The following FBRSL1 variants were observed in gnomAD, a reference collection of about 807,000 sequenced individuals.
FBRSL1 encodes the protein fibrosin like 1, also known as fibrosin-1-like protein.
Under a neutral mutation model 89.6 loss-of-function variants are expected in FBRSL1, and 51 were observed. The observed-to-expected ratio is 0.57, with a 90% CI of 0.45 to 0.72. The LOEUF is 0.72. Ranked by LOEUF, FBRSL1 falls within the 30% of genes least tolerant of loss-of-function variation. The pLI is 0.00. For missense variants in FBRSL1, 1,618 were observed against 1,451.8 expected, an observed-to-expected ratio of 1.11 and a Z score of -1.86; for synonymous variants, 779 against 681.1, an observed-to-expected ratio of 1.14 and a Z score of -2.24.
chr12:132,528,746 C>T (rs747949425), intron 4 of FBRSL1, among the ~76,000 whole-genome samples: 2 of 151,512 alleles, frequency 1.3e-5, no homozygotes, highest in Non-Finnish European at 2.9e-5. Context: ...CCTGTGGGTG[C>T]ACGGGTGTGT....
At position 132,519,130 on chromosome 12, in the gene FBRSL1, G is replaced by T. The variant is rs921806279; in HGVS notation, c.490-6604G>T. 4.2e-4 allele frequency among the ~76,000 whole-genome samples: 64 copies of T among 152,402 alleles called. 1 individual carries two copies. The highest frequency in any genetic ancestry group is 1.5e-3 in the African/African-American group (62 of 41,596). On this transcript the variant is annotated intron_variant, in intron 2 of 18. Coordinates refer to ENST00000680143, the MANE Select transcript of FBRSL1 (RefSeq NM_001367871.1). ...GAACACTTGGTCTCTCCCAAACATTGCCTGAGTCCCTGTTTACTGTGTCTG... is the reference window on the plus strand; with the variant it reads ...GAACACTTGGTCTCTCCCAAACATTTCCTGAGTCCCTGTTTACTGTGTCTG...
intron 1 of FBRSL1, among the ~76,000 whole-genome samples, chr12:132,496,641 G>A (rs373136915): frequency 5.7e-4 from 87 of 152,332 alleles, no homozygotes; most frequent in East Asian, 2.3e-3. Context: ...CTGCGGCTGC[G>A]CTGGATTTGT....
rs968939129 is a variant in FBRSL1 at position 132,585,140 on chromosome 12, G to A, written c.*1362G>A. 1.3e-5 allele frequency: 2 copies of A among 152,206 alleles called. No homozygotes were observed. The highest frequency in any genetic ancestry group is 4.8e-5 in the African/African-American group (2 of 41,436). 9.4% of individuals were successfully genotyped at this position (152,206 alleles called of 1,614,324 possible). On this transcript the variant is annotated 3_prime_UTR_variant, in exon 19 of 19. Coordinates refer to ENST00000680143, the MANE Select transcript of FBRSL1 (RefSeq NM_001367871.1). ...GGACCCTGTTTGTTTTAAATATTCTGTTCCCATGTCAATCAGTGACGATAA... is the reference window on the plus strand; with the variant it reads ...GGACCCTGTTTGTTTTAAATATTCTATTCCCATGTCAATCAGTGACGATAA...
chr12:132,571,591 C>A, intron 9 of FBRSL1: 1 of 1,118,726 alleles, frequency 8.9e-7, no homozygotes, highest in Non-Finnish European at 1.2e-6. Context: ...AGCAGGCACA[C>A]ACAGACACAC....
In FBRSL1 at chr12:132,555,405, CCCCACCCG is replaced by C. The variant is rs1224568215; in HGVS notation, c.645+7374_645+7381del. Reference sequence around the variant, plus strand: ...GTGAGCGTGGCCTCCACGGTAGCCGCCCCACCCGAGCGTGAGCATGGCCTCCACGGTAG... The same window carrying C: ...GTGAGCGTGGCCTCCACGGTAGCCGCAGCGTGAGCATGGCCTCCACGGTAG... On this transcript the variant is annotated intron_variant, in intron 5 of 18. Coordinates refer to ENST00000680143, the MANE Select transcript of FBRSL1 (RefSeq NM_001367871.1). Among the ~76,000 whole-genome samples the C allele has an allele frequency of 7.9e-4, 115 of 145,814 alleles. 1 individual carries two copies. The highest frequency in any genetic ancestry group is 1.3e-3 in the African/African-American group (49 of 38,690).
chr12:132,573,138 C>T (rs1282848292), intron 11 of FBRSL1, among the ~76,000 whole-genome samples: 1 of 152,218 alleles, frequency 6.6e-6, no homozygotes, highest in Non-Finnish European at 1.5e-5. Context: ...CTCACTGTTC[C>T]TGGCCTTGTG....
intron 17 of FBRSL1, 80 bp downstream of exon 17, chr12:132,581,904 T>C: frequency 1.5e-6 from 2 of 1,346,958 alleles, no homozygotes; most frequent in Non-Finnish European, 2.0e-6. Flanking sequence ...GGAACCCCGA[T>C]GCCTGGCTGA....
At chr12:132,572,097 C>G (rs1456785551) in intron 9 of FBRSL1, 191 bp from the exon 10 acceptor site, 1 of 598,340 alleles carries the variant, frequency 1.7e-6, no homozygotes, top group African/African-American at 1.9e-5. Context: ...CAGGGCCGCC[C>G]TGGTCTGAGA....
intron 1 of FBRSL1, among the ~76,000 whole-genome samples, chr12:132,491,443 G>A (rs770058360): frequency 6.6e-6 from 1 of 152,248 alleles, no homozygotes; most frequent in African/African-American, 2.4e-5. Flanking sequence ...CATGAACTCA[G>A]CTGAGCAGAG....
chr12:132,534,931 C>G (rs556515551), intron 4 of FBRSL1, among the ~76,000 whole-genome samples: 1 of 152,386 alleles, frequency 6.6e-6, no homozygotes, highest in Admixed American at 6.5e-5. Flanking sequence ...CCCTGCAGCG[C>G]TCCCAGGTAT....
At chr12:132,574,399 G>T (rs1045764064) in intron 13 of FBRSL1, 51 bp downstream of exon 13, 3 of 1,549,144 alleles carry the variant, frequency 1.9e-6, no homozygotes, top group Non-Finnish European at 2.6e-6. Context: ...TGGTGCCCCC[G>T]GGGCGGCCTC....
intron 2 of FBRSL1, 61 bp downstream of exon 2, chr12:132,508,411 C>T (rs2136577209): frequency 7.0e-7 from 1 of 1,429,834 alleles, no homozygotes; most frequent in Admixed American, 2.8e-5. Context: ...CGCCCCAGGG[C>T]CATGCCAGCA....
intron 2 of FBRSL1, chr12:132,510,138 A>G: frequency 3.3e-6 from 4 of 1,222,368 alleles, no homozygotes; most frequent in Non-Finnish European, 4.1e-6. Flanking sequence ...GCGGCCGCTC[A>G]TGGGCCCAGA....
At chr12:132,535,477 C>G (rs1481817993) in intron 4 of FBRSL1, among the ~76,000 whole-genome samples, 1 of 152,248 alleles carries the variant, frequency 6.6e-6, no homozygotes, top group Non-Finnish European at 1.5e-5. Flanking sequence ...GCCTGGCTCC[C>G]TGACAGTGCT....
At chr12:132,515,224 C>T (rs1439915773) in intron 2 of FBRSL1, among the ~76,000 whole-genome samples, 1 of 152,172 alleles carries the variant, frequency 6.6e-6, no homozygotes, top group East Asian at 1.9e-4. Flanking sequence ...CACAGACAAA[C>T]CAGACACACC....
chr12:132,529,979 C>T (rs1021544854), intron 4 of FBRSL1, among the ~76,000 whole-genome samples: 8 of 152,206 alleles, frequency 5.3e-5, no homozygotes, highest in African/African-American at 1.7e-4. Flanking sequence ...GGGGCAACCC[C>T]TCAGAGGTGG....
At chr12:132,530,736 G>A (rs1363593453) in intron 4 of FBRSL1, among the ~76,000 whole-genome samples, 3 of 135,052 alleles carry the variant, frequency 2.2e-5, no homozygotes, top group African/African-American at 8.0e-5. Flanking sequence ...TGGGGGGTGG[G>A]GGGAGGGGGA....
intron 18 of FBRSL1, among the ~76,000 whole-genome samples, chr12:132,582,748 G>A (rs1290980267): frequency 3.3e-5 from 5 of 152,098 alleles, no homozygotes; most frequent in African/African-American, 1.2e-4. Flanking sequence ...CGCTGCAGGC[G>A]GCTCATCCCG....
At position 132,547,984 on chromosome 12, in the gene FBRSL1, T is replaced by C; in HGVS notation, c.616-19T>C. 1 of 1,549,804 alleles carries C rather than the reference T, an allele frequency of 6.5e-7. No individual in the cohort carries two copies. Among genetic ancestry groups the C allele is most frequent in the Non-Finnish European group, 8.7e-7 (1 of 1,146,490 alleles). ...GGTTGGTGGGGCCCCGACTCACTTCTGTCTCTCTGTCCCTGCAGTGTGACA... is the reference window on the plus strand; with the variant it reads ...GGTTGGTGGGGCCCCGACTCACTTCCGTCTCTCTGTCCCTGCAGTGTGACA... On this transcript the variant is annotated intron_variant, in intron 4 of 18. Transcript: ENST00000680143.
Sources: allele counts gnomAD v4.1 joint callset (sites outside exome capture counted in the v4.1 genomes callset), GRCh38; gene constraint gnomAD v4.1.1; transcripts MANE v1.5; gene names NCBI Gene and HGNC (gene_info 2026-07-23, HGNC 2026-07-21).